NAALADL2: variants seen among roughly 807,000 people sequenced by gnomAD.
NAALADL2 encodes N-acetylated alpha-linked acidic dipeptidase like 2, also known as inactive N-acetylated-alpha-linked acidic dipeptidase-like protein 2.
NAALADL2 carries 76 observed loss-of-function variants against 87.2 expected under a neutral mutation model. That is an observed-to-expected ratio of 0.87 (90% CI 0.72 to 1.05). The LOEUF (loss-of-function observed/expected upper bound fraction) is 1.05. Among genes scored for constraint, NAALADL2 ranks in the 50% least tolerant of loss-of-function variants. The pLI is 0.00. For missense variants in NAALADL2, 1,089 were observed against 945.8 expected, an observed-to-expected ratio of 1.15 and a Z score of -1.99; for synonymous variants, 354 against 331.0, an observed-to-expected ratio of 1.07 and a Z score of -0.75.
At chr3:174,557,300 C>T (rs1712955345) in intron 2 of NAALADL2, among the ~76,000 whole-genome samples, 1 of 152,114 alleles carries the variant, frequency 6.6e-6, no homozygotes, top group South Asian at 2.1e-4. Context: ...TATTTTTAAA[C>T]TACTATGAAT....
intron 2 of NAALADL2, among the ~76,000 whole-genome samples, chr3:174,720,026 TC>T (rs11344863): frequency 0.014 from 2,148 of 152,266 alleles, 62 homozygotes; most frequent in African/African-American, 0.05. Context: ...GGTCTCGCTC[TC>T]TTGACCTCGT....
At chr3:174,591,793 T>C (rs1717386491) in intron 2 of NAALADL2, among the ~76,000 whole-genome samples, 1 of 152,082 alleles carries the variant, frequency 6.6e-6, no homozygotes, top group African/African-American at 2.4e-5. Context: ...CTATAAAGAG[T>C]ATCTCTCTTT....
intron 3 of NAALADL2, among the ~76,000 whole-genome samples, chr3:174,764,055 T>C (rs899944638): frequency 2.6e-5 from 4 of 152,160 alleles, no homozygotes; most frequent in African/African-American, 4.8e-5. Context: ...TTCAGAGAGA[T>C]TGAAAGATTT....
intron 3 of NAALADL2, among the ~76,000 whole-genome samples, chr3:174,837,102 C>A (rs1185236111): frequency 3.3e-5 from 5 of 151,868 alleles, no homozygotes. Flanking sequence ...GAAACAAGAA[C>A]AAACCAAACC....
chr3:174,862,953 T>G (rs187754010), intron 1 of NAALADL2, among the ~76,000 whole-genome samples: 1 of 151,956 alleles, frequency 6.6e-6, no homozygotes, highest in Non-Finnish European at 1.5e-5. Context: ...TACAGAGGAG[T>G]TGGCTGGATC....
chr3:175,392,214 A>G (rs1769165722), intron 5 of NAALADL2, among the ~76,000 whole-genome samples: 1 of 152,208 alleles, frequency 6.6e-6, no homozygotes, highest in South Asian at 2.1e-4. Context: ...ATAACACTGA[A>G]ACTTACATAT....
intron 10 of NAALADL2, among the ~76,000 whole-genome samples, chr3:175,578,604 T>C (rs1249314202): frequency 6.6e-6 from 1 of 152,122 alleles, no homozygotes; most frequent in African/African-American, 2.4e-5. Flanking sequence ...GAGAATGAAA[T>C]GGAATTTAAA....
intron 1 of NAALADL2, among the ~76,000 whole-genome samples, chr3:174,481,076 A>T (rs1012948963): frequency 3.3e-5 from 5 of 152,052 alleles, no homozygotes; most frequent in African/African-American, 9.7e-5. Context: ...TTGTTTGGAG[A>T]TTGACTTATC....
chr3:175,705,614 T>A (rs1739581591), intron 11 of NAALADL2, among the ~76,000 whole-genome samples: 1 of 152,048 alleles, frequency 6.6e-6, no homozygotes, highest in South Asian at 2.1e-4. Context: ...ATTTTATATG[T>A]TATATTTTAT....
chr3:174,885,346 T>C (rs773858238), intron 1 of NAALADL2, among the ~76,000 whole-genome samples: 9 of 152,202 alleles, frequency 5.9e-5, no homozygotes, highest in Non-Finnish European at 1.0e-4. Flanking sequence ...GCTCAGTATC[T>C]GCTTCTGAAG....
chr3:175,422,350 T>G (rs1715845928), intron 5 of NAALADL2, among the ~76,000 whole-genome samples: 1 of 152,068 alleles, frequency 6.6e-6, no homozygotes, highest in African/African-American at 2.4e-5. Context: ...GACCAAACCT[T>G]AAACTTGTTC....
intron 5 of NAALADL2, among the ~76,000 whole-genome samples, chr3:175,371,187 C>G (rs1320002220): frequency 3.3e-5 from 5 of 152,010 alleles, no homozygotes; most frequent in Admixed American, 3.3e-4. Flanking sequence ...CTTAAAAGTT[C>G]TCCTTCATTG....
chr3:175,047,606 T>C (rs1754842269), intron 1 of NAALADL2, among the ~76,000 whole-genome samples: 2 of 152,140 alleles, frequency 1.3e-5, no homozygotes, highest in Admixed American at 1.3e-4. Context: ...AACACAAACT[T>C]TGTAAATGTA....
chr3:175,416,947 A>G (rs1714739458), intron 5 of NAALADL2, among the ~76,000 whole-genome samples: 1 of 151,850 alleles, frequency 6.6e-6, no homozygotes, highest in South Asian at 2.1e-4. Context: ...GAAATTTAAA[A>G]TAATTAAAAA....
chr3:174,901,310 T>C (rs538711864), intron 1 of NAALADL2, among the ~76,000 whole-genome samples: 1 of 152,314 alleles, frequency 6.6e-6, no homozygotes, highest in Admixed American at 6.5e-5. Flanking sequence ...TGTGATTGAT[T>C]ATCTGAGATA....
intron 1 of NAALADL2, among the ~76,000 whole-genome samples, chr3:174,931,825 T>C (rs559241382): frequency 6.6e-6 from 1 of 152,284 alleles, no homozygotes; most frequent in Admixed American, 6.5e-5. Flanking sequence ...GTGTGAGGAA[T>C]TGAGACCTAA....
At chr3:175,308,048 A>G (rs1476425458) in intron 4 of NAALADL2, among the ~76,000 whole-genome samples, 3 of 152,234 alleles carry the variant, frequency 2.0e-5, no homozygotes, top group Non-Finnish European at 4.4e-5. Context: ...GCTGGCTTAA[A>G]CATCATTTTT....
intron 9 of NAALADL2, among the ~76,000 whole-genome samples, chr3:175,558,466 C>T (rs1352677678): frequency 6.6e-6 from 1 of 152,018 alleles, no homozygotes; most frequent in African/African-American, 2.4e-5. Flanking sequence ...TTTGTCTGTG[C>T]TTGTGGTGTA....
At chr3:175,447,575 G>A (rs1720904781) in intron 6 of NAALADL2, among the ~76,000 whole-genome samples, 1 of 152,176 alleles carries the variant, frequency 6.6e-6, no homozygotes, top group Admixed American at 6.5e-5. Context: ...ACCAAAATGA[G>A]AGATTAGAAA....
Sources: gnomAD v4.1 joint callset for allele counts (sites outside exome capture counted in the v4.1 genomes callset) on GRCh38, gnomAD v4.1.1 for gene constraint, MANE v1.5 for transcripts, NCBI Gene and HGNC (gene_info 2026-07-23, HGNC 2026-07-21) for gene names.